UBR1: variants seen among roughly 807,000 people sequenced by gnomAD.
UBR1 encodes E3 ubiquitin-protein ligase UBR1.
In UBR1, 102 loss-of-function variants were observed where a neutral mutation model predicts 242.1. The ratio of observed to expected loss-of-function variants is 0.42; its 90% CI spans 0.36 to 0.50. The LOEUF (loss-of-function observed/expected upper bound fraction) is 0.50. Ranked by LOEUF, UBR1 falls within the 20% of genes least tolerant of loss-of-function variation. The pLI, the probability that UBR1 is intolerant of heterozygous loss-of-function variation, is 0.01. For synonymous variants in UBR1, 675 were observed against 684.8 expected, an observed-to-expected ratio of 0.99 and a Z score of 0.22; for missense variants, 1,772 against 2,101.8, an observed-to-expected ratio of 0.84 and a Z score of 3.07.
chr15:43,004,554 T>C (rs907398700), intron 30 of UBR1, among the ~76,000 whole-genome samples: 7 of 152,206 alleles, frequency 4.6e-5, no homozygotes, highest in Admixed American at 2.6e-4. Flanking sequence ...GGTTTTTGCA[T>C]TTTTTTGGTG....
Position 43,024,955 on chromosome 15 carries a change from G to A in UBR1, c.2613C>T (p.Phe871=). 3 of 1,614,228 alleles carry A rather than the reference G, an allele frequency of 1.9e-6. No individual in the cohort carries two copies. Among genetic ancestry groups the A allele is most frequent in the Non-Finnish European group, 2.5e-6 (3 of 1,180,036 alleles). Residue 871 remains phenylalanine, a synonymous_variant, in exon 25 of 47, where the codon TTC becomes TTT. Transcript: ENST00000290650. ...TAATCACTTTGCTGAAAGCAGGGCAGAATTCAGGAGGTGGTGGTGGCGGCA... is the reference window on the plus strand; with the variant it reads ...TAATCACTTTGCTGAAAGCAGGGCAAAATTCAGGAGGTGGTGGTGGCGGCA... The part of the protein sequence containing the change: ...EALPPPPPPE[F]CPAFSKVINL...
At chr15:42,946,833 G>A (rs2031743431) in intron 46 of UBR1, among the ~76,000 whole-genome samples, 1 of 152,160 alleles carries the variant, frequency 6.6e-6, no homozygotes. Context: ...CAGAAGGAAA[G>A]AAGGCTGATA....
chr15:43,018,502 C>G (rs572653147), intron 27 of UBR1, among the ~76,000 whole-genome samples: 3 of 152,276 alleles, frequency 2.0e-5, no homozygotes, highest in African/African-American at 7.2e-5. Flanking sequence ...ATCTTCTCAC[C>G]TCAGCCTCTC....
chr15:42,987,936 G>A (rs1200576096), intron 35 of UBR1, among the ~76,000 whole-genome samples: 2 of 152,034 alleles, frequency 1.3e-5, no homozygotes, highest in Non-Finnish European at 2.9e-5. Context: ...ATTGCACCTT[G>A]TCCCTATAAC....
At chr15:43,043,445 C>CT (rs770377695) in intron 14 of UBR1, 50 bp from the exon 15 acceptor site, 22 of 1,589,054 alleles carry the variant, frequency 1.4e-5, no homozygotes, top group Non-Finnish European at 1.8e-5. Flanking sequence ...TACTTTAACA[C>CT]TTTTTTTGTT....
In UBR1 at chr15:42,987,370, T is replaced by C. The variant is rs372760058; in HGVS notation, c.3997+1449A>G. ...TTTGCCAAGGCACTGAAAGCGACTC[T>C]TAAACTCTATTAAGAAACTAATGAT... On this transcript the variant is annotated intron_variant, in intron 35 of 46. Coordinates refer to ENST00000290650, the MANE Select transcript of UBR1 (RefSeq NM_174916.3). Among the ~76,000 whole-genome samples, 100 of 152,354 alleles carry C rather than the reference T, an allele frequency of 6.6e-4. 1 individual carries two copies. In the South Asian group the frequency reaches 0.013, roughly 20 times the overall value.
chr15:42,979,209 CTT>C (rs533735378), intron 37 of UBR1, among the ~76,000 whole-genome samples: 7 of 138,406 alleles, frequency 5.1e-5, no homozygotes, highest in Middle Eastern at 3.5e-3. Flanking sequence ...TTCTTTTTTT[CTT>C]TTTTTTTTTT....
intron 3 of UBR1, among the ~76,000 whole-genome samples, chr15:43,079,299 C>T (rs886669572): frequency 1.3e-5 from 2 of 151,454 alleles, no homozygotes; most frequent in African/African-American, 4.9e-5. Context: ...AACCTCGTCT[C>T]GGTTAAAAAA....
chr15:43,010,680 T>C (rs1415157599), intron 29 of UBR1, among the ~76,000 whole-genome samples: 1 of 151,796 alleles, frequency 6.6e-6, no homozygotes, highest in Admixed American at 6.6e-5. Flanking sequence ...GAAATATAAC[T>C]ATGTAATTTG....
At position 43,083,989 on chromosome 15, in the gene UBR1, G is replaced by C. The variant is rs1314745755; in HGVS notation, c.339-1273C>G. Among the ~76,000 whole-genome samples, 3 of 152,052 alleles carry C rather than the reference G, an allele frequency of 2.0e-5. No homozygotes were observed. The East Asian group carries it at 5.8e-4, about 30-fold the overall frequency. On this transcript the variant is annotated intron_variant, in intron 2 of 46. Coordinates refer to ENST00000290650, the MANE Select transcript of UBR1 (RefSeq NM_174916.3). The stretch of plus-strand genomic sequence containing the variant: ...AACCTGGGAGGTGGAGGTTGCGGGT[G>C]AGCTGAGATAGCGCCACTGTACTCT...
At chr15:43,029,853 G>T in intron 21 of UBR1, 91 bp downstream of exon 21, 2 of 1,490,882 alleles carry the variant, frequency 1.3e-6, no homozygotes, top group Non-Finnish European at 1.9e-6. Flanking sequence ...AGGACTTTTT[G>T]CCTAAAATTT....
chr15:43,088,044 G>C (rs1311936832), intron 1 of UBR1, among the ~76,000 whole-genome samples: 2 of 152,154 alleles, frequency 1.3e-5, no homozygotes, highest in Non-Finnish European at 2.9e-5. Context: ...AGTAGAAAGA[G>C]CCTGGGAAAA....
chr15:43,065,411 G>C (rs1158212073), intron 6 of UBR1, among the ~76,000 whole-genome samples: 1 of 151,744 alleles, frequency 6.6e-6, no homozygotes, highest in Non-Finnish European at 1.5e-5. Context: ...GTTTTTTACA[G>C]AGGTAAACGT....
At chr15:43,005,031 C>A (rs924867133) in intron 30 of UBR1, among the ~76,000 whole-genome samples, 1 of 151,828 alleles carries the variant, frequency 6.6e-6, no homozygotes, top group South Asian at 2.1e-4. Flanking sequence ...CCAGCCGCGA[C>A]CCCGTCTGGG....
chr15:43,081,575 G>A (rs899331549), intron 3 of UBR1, among the ~76,000 whole-genome samples: 3 of 152,066 alleles, frequency 2.0e-5, no homozygotes, highest in Admixed American at 6.6e-5. Context: ...ATGATGTTGA[G>A]CATCTTTTAG....
chr15:43,014,929 T>C (rs1360286706), intron 29 of UBR1, among the ~76,000 whole-genome samples: 1 of 99,468 alleles, frequency 1.0e-5, no homozygotes, highest in Non-Finnish European at 2.1e-5. Flanking sequence ...GAGGGAGGTG[T>C]GGGTCAGCCC....
intron 46 of UBR1, among the ~76,000 whole-genome samples, chr15:42,947,785 G>A (rs188068089): frequency 0.011 from 1,657 of 152,248 alleles, 27 homozygotes; most frequent in African/African-American, 0.037. Flanking sequence ...AAATAAAAGA[G>A]GATACAAACA....
chr15:42,955,818 C>T (rs1032549673), intron 44 of UBR1, among the ~76,000 whole-genome samples: 13 of 152,088 alleles, frequency 8.5e-5, no homozygotes, highest in African/African-American at 2.7e-4. Flanking sequence ...TAATAAGATA[C>T]AAAATTATGT....
intron 12 of UBR1, among the ~76,000 whole-genome samples, chr15:43,049,429 G>T (rs1426317100): frequency 2.0e-5 from 3 of 152,224 alleles, no homozygotes; most frequent in Non-Finnish European, 4.4e-5. Flanking sequence ...TGGGCGTGGT[G>T]GCGGGTGCCT....
Sources: gnomAD v4.1 joint callset for allele counts (sites outside exome capture counted in the v4.1 genomes callset) on GRCh38, gnomAD v4.1.1 for gene constraint, MANE v1.5 for transcripts, NCBI Gene and HGNC (gene_info 2026-07-23, HGNC 2026-07-21) for gene names.